The following NLRC3 variants were observed in gnomAD, a reference collection of about 807,000 sequenced individuals.
NLRC3 encodes the protein NLR family CARD domain containing 3, also known as NLR family CARD domain-containing protein 3.
NLRC3 carries 87 observed loss-of-function variants against 91.6 expected under a neutral mutation model. The observed-to-expected ratio is 0.95, with a 90% confidence interval of 0.80 to 1.14. The LOEUF (loss-of-function observed/expected upper bound fraction) is 1.14, where lower values mean the gene tolerates loss of function less well. Among genes scored for constraint, NLRC3 ranks in the 50% most tolerant of loss-of-function variants. The pLI, the probability that NLRC3 is intolerant of heterozygous loss-of-function variation, is 0.00. For synonymous variants in NLRC3, 694 were observed against 625.3 expected (o/e 1.11, Z -1.64); for missense variants, 1,577 against 1,418.6 (o/e 1.11, Z -1.79).
chr16:3,570,859 G>A (rs2040074407), intron 1 of NLRC3, among the ~76,000 whole-genome samples: 1 of 152,188 alleles, frequency 6.6e-6, no homozygotes, highest in Admixed American at 6.5e-5. Flanking sequence ...ACTGGGGGGA[G>A]TGACATGAGC....
intron 9 of NLRC3, 138 bp from the exon 10 acceptor site, chr16:3,552,417 G>A (rs1020484198): frequency 3.1e-6 from 2 of 650,004 alleles, no homozygotes; most frequent in African/African-American, 3.6e-5. Context: ...GCGTTCTCCA[G>A]ATGGGTCTTT....
chr16:3,569,994 C>T (rs1003139285), intron 1 of NLRC3, among the ~76,000 whole-genome samples: 6 of 152,142 alleles, frequency 3.9e-5, no homozygotes, highest in Admixed American at 2.0e-4. Flanking sequence ...TTTCTCATAA[C>T]TCTCAATACC....
rs1227741573 is a variant in NLRC3 at position 3,541,386 on chromosome 16, C to G, written c.*439G>C. 6.3e-6 allele frequency: 1 copy of G among 158,764 alleles called. No homozygotes were observed. The highest frequency in any genetic ancestry group is 1.8e-4 in the East Asian group (1 of 5,430). 9.8% of individuals were successfully genotyped at this position (158,764 alleles called of 1,614,324 possible). ...AGAAGGGTCCCCTCTGTTACCCCTACCAAACGGATGCTCCTCACGGGCTTG... is the reference window on the plus strand; with the variant it reads ...AGAAGGGTCCCCTCTGTTACCCCTAGCAAACGGATGCTCCTCACGGGCTTG... On this transcript the variant is annotated 3_prime_UTR_variant, in exon 20 of 20. Transcript: ENST00000359128.
At position 3,556,964 on chromosome 16, in the gene NLRC3, C is replaced by G. The variant is rs1394210540; in HGVS notation, c.2130G>C (p.Gly710=). 3 of 1,613,718 alleles carry G rather than the reference C, an allele frequency of 1.9e-6. 1 individual carries two copies. In the East Asian group the frequency reaches 6.7e-5, roughly 36 times the overall value. ...TCAAAGCGTCTGCCAGCGCCTTGGC[C>G]CCTTGTGGTCCAATGGAGTTACCGC... ...DLRGNSIGPQ[G]AKALADALKI... Residue 710 remains glycine, a synonymous_variant, in exon 8 of 20, where the codon GGG becomes GGC. Transcript: ENST00000359128.
chr16:3,559,798 C>T (rs753604564), intron 6 of NLRC3, among the ~76,000 whole-genome samples: 13 of 151,880 alleles, frequency 8.6e-5, no homozygotes, highest in Non-Finnish European at 1.5e-4. Context: ...ACCACCACCA[C>T]GACTGGCTAA....
Position 3,563,094 on chromosome 16 carries a change from C to T in NLRC3, c.1843G>A (p.Ala615Thr). ...AYLLQVSDAC[A>T]QEANLSLSLS... ...CTCAGGGACAGGTTGGCCTCCTGGG[C>T]ACAGGCGTCGGACACCTGCAGGAGG... Residue 615 changes from alanine to threonine, a missense_variant, in exon 5 of 20, where the codon GCC becomes ACC. Coordinates refer to ENST00000359128, the MANE Select transcript of NLRC3 (RefSeq NM_178844.4). 6.4e-7 allele frequency: 1 copy of T among 1,574,174 alleles called. No individual in the cohort carries two copies. The highest frequency in any genetic ancestry group is 8.6e-7 in the Non-Finnish European group (1 of 1,160,644).
In NLRC3 at chr16:3,541,783, C is replaced by A. The variant is rs1163873488; in HGVS notation, c.*42G>T. 5.8e-6 allele frequency: 8 copies of A among 1,376,850 alleles called. No homozygotes were observed. Among genetic ancestry groups the A allele is most frequent in the Non-Finnish European group, 8.2e-6 (8 of 973,216 alleles). 85.3% of individuals were successfully genotyped at this position (1,376,850 alleles called of 1,614,324 possible). On this transcript the variant is annotated 3_prime_UTR_variant, in exon 20 of 20. Transcript: ENST00000359128. ...AGTCGGCCTTTCTGTTCAAAAGCTTCCAGCTGAGCATCTGCCCATTCTCCT... is the reference window on the plus strand; with the variant it reads ...AGTCGGCCTTTCTGTTCAAAAGCTTACAGCTGAGCATCTGCCCATTCTCCT...
intron 6 of NLRC3, among the ~76,000 whole-genome samples, chr16:3,558,582 C>CCACACA (rs3067979): frequency 1.2e-3 from 178 of 147,710 alleles, no homozygotes; most frequent in South Asian, 1.3e-3. Context: ...TAAAAAAAAA[C>CCACACA]CACACACACA....
At chr16:3,566,101 C>CAAAAAAAAAA (rs1027448717) in intron 2 of NLRC3, among the ~76,000 whole-genome samples, 6 of 21,316 alleles carry the variant, frequency 2.8e-4, no homozygotes, top group Non-Finnish European at 4.2e-4. Flanking sequence ...GAGCAAAAAG[C>CAAAAAAAAAA]AAAAAAAAAA....
In NLRC3 at chr16:3,543,420, C is replaced by T. The variant is rs1247947631; in HGVS notation, c.2939+5G>A. ...AAGACCATAGATGGAGACTGGAATA[C>T]TTACTCGAGAATCTCCAAGGTTCTG... is the stretch of plus-strand genomic sequence containing the variant. On this transcript the variant is annotated splice_donor_5th_base_variant and intron_variant, in intron 17 of 19. Coordinates refer to ENST00000359128, the MANE Select transcript of NLRC3 (RefSeq NM_178844.4). The T allele has an allele frequency of 6.2e-7, 1 of 1,601,354 alleles. No individual in the cohort carries two copies. The highest frequency in any genetic ancestry group is 1.1e-5 in the South Asian group (1 of 90,114).
Position 3,549,124 on chromosome 16 carries a change from C to G in NLRC3, c.2603+18G>C. On this transcript the variant is annotated intron_variant, in intron 13 of 19. Coordinates refer to ENST00000359128, the MANE Select transcript of NLRC3 (RefSeq NM_178844.4). ...ATGGCATGAACAGCCTGTGGAGTCACAGGCCCCCACCACGTACTCCAGGTT... is the reference window on the plus strand; with the variant it reads ...ATGGCATGAACAGCCTGTGGAGTCAGAGGCCCCCACCACGTACTCCAGGTT... 6.5e-7 allele frequency: 1 copy of G among 1,542,030 alleles called. No individual in the cohort carries two copies. Among genetic ancestry groups the G allele is most frequent in the Non-Finnish European group, 8.8e-7 (1 of 1,134,800 alleles).
chr16:3,554,590 C>T (rs1047919361), intron 8 of NLRC3, among the ~76,000 whole-genome samples: 1 of 152,170 alleles, frequency 6.6e-6, no homozygotes, highest in African/African-American at 2.4e-5. Flanking sequence ...TCATCAATTG[C>T]CCTCATTACA....
chr16:3,574,240 C>T (rs936036083), intron 1 of NLRC3, among the ~76,000 whole-genome samples: 2 of 151,910 alleles, frequency 1.3e-5, no homozygotes, highest in South Asian at 2.1e-4. Context: ...GTCTTGAACT[C>T]CTGACCTCCA....
At chr16:3,549,099 A>G (rs1016093925) in intron 13 of NLRC3, 43 bp downstream of exon 13, 1 of 1,414,990 alleles carries the variant, frequency 7.1e-7, no homozygotes, top group Admixed American at 2.0e-5. Flanking sequence ...GGGTGTGGTC[A>G]TGGCATGAAC....
chr16:3,545,594 C>G (rs2038650518), intron 15 of NLRC3: 1 of 152,176 alleles, frequency 6.6e-6, no homozygotes, highest in African/African-American at 2.4e-5. Context: ...GAGTCCCCCT[C>G]TCGAAGCTCA....
intron 8 of NLRC3, among the ~76,000 whole-genome samples, chr16:3,555,366 A>G (rs565702039): frequency 2.6e-5 from 4 of 152,314 alleles, no homozygotes; most frequent in South Asian, 2.1e-4. Flanking sequence ...ATCTATTTAC[A>G]TGAAATGTCC....
intron 8 of NLRC3, among the ~76,000 whole-genome samples, chr16:3,556,318 CAAAAAAAAAAAAAAAAAAAAAAA>C (rs199528753): frequency 7.7e-5 from 3 of 38,736 alleles, no homozygotes; most frequent in African/African-American, 2.4e-4. Context: ...GAATCCGTCT[CAAAAAAAAAAAAAAAAAAAAAAA>C]AAAAAAAAAA....
At position 3,540,442 on chromosome 16, in the gene NLRC3, T is replaced by A. The variant is rs1441182166; in HGVS notation, c.*1383A>T. 1 of 152,226 alleles carries A rather than the reference T, an allele frequency of 6.6e-6. No homozygotes were observed. The highest frequency in any genetic ancestry group is 1.5e-5 in the Non-Finnish European group (1 of 68,042). The allele number at this position is 152,226 out of a possible 1,614,324, so 9.4% of individuals were successfully genotyped here. On this transcript the variant is annotated 3_prime_UTR_variant, in exon 20 of 20. Coordinates refer to ENST00000359128, the MANE Select transcript of NLRC3 (RefSeq NM_178844.4). Reference sequence around the variant, plus strand: ...AACAGCTGCAGGAATTGGTGCCACATAGAGGCTCAGCTTGCCTGTCTCCAT... The same window carrying A: ...AACAGCTGCAGGAATTGGTGCCACAAAGAGGCTCAGCTTGCCTGTCTCCAT...
At chr16:3,575,696 C>G (rs1030707796) in intron 1 of NLRC3, among the ~76,000 whole-genome samples, 3 of 152,218 alleles carry the variant, frequency 2.0e-5, no homozygotes, top group Non-Finnish European at 4.4e-5. Flanking sequence ...TGCCTCATTC[C>G]TGAGAAGCCT....
Sources: allele counts gnomAD v4.1 joint callset (sites outside exome capture counted in the v4.1 genomes callset), GRCh38; gene constraint gnomAD v4.1.1; transcripts MANE v1.5; gene names NCBI Gene and HGNC (gene_info 2026-07-23, HGNC 2026-07-21).